GLIS1: variants seen among roughly 807,000 people sequenced by gnomAD.
The protein encoded by GLIS1 is GLIS family zinc finger 1.
A neutral mutation model predicts 63.8 loss-of-function variants in GLIS1; 24 were observed. The ratio of observed to expected loss-of-function variants is 0.38; its 90% confidence interval spans 0.27 to 0.53. The LOEUF is 0.53. GLIS1 is among the 20% of genes least tolerant of loss of function. GLIS1 has a pLI of 0.85. For synonymous variants in GLIS1, 450 were observed against 482.5 expected, an observed-to-expected ratio of 0.93 and a Z score of 0.88; for missense variants, 1,036 against 1,074.1, an observed-to-expected ratio of 0.96 and a Z score of 0.50.
chr1:53,507,035 G>C (rs1158389393), intron 10 of GLIS1, among the ~76,000 whole-genome samples: 1 of 152,166 alleles, frequency 6.6e-6, no homozygotes, highest in Non-Finnish European at 1.5e-5. Flanking sequence ...GGTTGACTCA[G>C]GGAGGTCCAT....
At chr1:53,631,414 G>C (rs1440297847) in intron 2 of GLIS1, among the ~76,000 whole-genome samples, 2 of 152,144 alleles carry the variant, frequency 1.3e-5, no homozygotes, top group Non-Finnish European at 2.9e-5. Flanking sequence ...CCATCTCTGA[G>C]CAACACCAGA....
At chr1:53,577,596 G>T (rs75305244) in intron 4 of GLIS1, among the ~76,000 whole-genome samples, 1 of 152,176 alleles carries the variant, frequency 6.6e-6, no homozygotes, top group African/African-American at 2.4e-5. Context: ...AGGGCAGCCA[G>T]GCCTGGCCAG....
intron 2 of GLIS1, among the ~76,000 whole-genome samples, chr1:53,605,341 G>A (rs997945739): frequency 5.1e-4 from 78 of 152,214 alleles, no homozygotes; most frequent in African/African-American, 1.8e-3. Context: ...CATCAGGGTG[G>A]CCTGACCCTT....
chr1:53,689,797 C>T (rs929232851), intron 2 of GLIS1, among the ~76,000 whole-genome samples: 2 of 152,176 alleles, frequency 1.3e-5, no homozygotes, highest in African/African-American at 4.8e-5. Context: ...GGCATCTCAG[C>T]GCCCATTACT....
intron 5 of GLIS1, among the ~76,000 whole-genome samples, chr1:53,527,657 C>T (rs531762549): frequency 6.6e-6 from 1 of 152,372 alleles, no homozygotes; most frequent in South Asian, 2.1e-4. Flanking sequence ...TGGCTGGTCC[C>T]CTCTGGAAAG....
chr1:53,542,925 A>G (rs968548672), intron 4 of GLIS1, among the ~76,000 whole-genome samples: 2 of 152,240 alleles, frequency 1.3e-5, no homozygotes, highest in Non-Finnish European at 2.9e-5. Context: ...TTAGATGGAC[A>G]GGGACAAGTA....
chr1:53,729,096 T>C (rs1322272703), intron 2 of GLIS1, among the ~76,000 whole-genome samples: 1 of 152,226 alleles, frequency 6.6e-6, no homozygotes, highest in Admixed American at 6.5e-5. Context: ...ACTAAAAGTA[T>C]AGATGCTGTC....
At chr1:53,531,204 A>C (rs1380718312) in intron 4 of GLIS1, among the ~76,000 whole-genome samples, 1 of 152,218 alleles carries the variant, frequency 6.6e-6, no homozygotes, top group Non-Finnish European at 1.5e-5. Flanking sequence ...CTCATGAGCC[A>C]TTGATTTCAT....
At chr1:53,552,840 GACTA>G (rs1453376089) in intron 4 of GLIS1, among the ~76,000 whole-genome samples, 1 of 152,242 alleles carries the variant, frequency 6.6e-6, no homozygotes, top group African/African-American at 2.4e-5. Context: ...GGCAGGCAGA[GACTA>G]ACTACCTCAG....
Position 53,598,534 on chromosome 1 carries a change from C to CA in GLIS1, c.437+1566dup, listed in dbSNP as rs1236459041. 0.015 allele frequency among the ~76,000 whole-genome samples: 2,033 copies of CA among 138,440 alleles called. 39 individuals are homozygous for CA. Among genetic ancestry groups the CA allele is most frequent in the African/African-American group, 0.049 (1,834 of 37,622 alleles). 90.8% of individuals were successfully genotyped at this position (138,440 alleles called of 152,430 possible). A position where few individuals can be genotyped will look rare whatever the true frequency, so the allele number is the denominator to read the frequency against. On this transcript the variant is annotated intron_variant, in intron 3 of 10. Transcript: ENST00000628545. The surrounding 1 kb of genome is among the most constrained non-coding windows in gnomAD (Gnocchi z 4.6). The stretch of plus-strand genomic sequence containing the variant: ...TGGGTGACAGAGTCAGACCCTGTCT[C>CA]AAAAAAAAAAAAGGAGGAATTAGGG...
At chr1:53,657,185 T>C (rs1164983592) in intron 2 of GLIS1, among the ~76,000 whole-genome samples, 3 of 152,152 alleles carry the variant, frequency 2.0e-5, no homozygotes, top group African/African-American at 7.2e-5. Flanking sequence ...CTTAATGAGC[T>C]CAACATATGC....
At chr1:53,709,349 CATATATAT>C (rs138836172) in intron 2 of GLIS1, among the ~76,000 whole-genome samples, 1 of 134,904 alleles carries the variant, frequency 7.4e-6, no homozygotes, top group African/African-American at 3.2e-5. Context: ...TACATATATA[CATATATAT>C]ACATATACAT....
intron 2 of GLIS1, among the ~76,000 whole-genome samples, chr1:53,645,798 G>A (rs568426252): frequency 7.9e-5 from 12 of 152,204 alleles, no homozygotes; most frequent in African/African-American, 2.9e-4. Flanking sequence ...AATTTAGGGG[G>A]CAGCAGAGCT....
At chr1:53,716,301 G>A (rs1646697922) in intron 2 of GLIS1, among the ~76,000 whole-genome samples, 2 of 152,312 alleles carry the variant, frequency 1.3e-5, no homozygotes, top group Non-Finnish European at 2.9e-5. Flanking sequence ...GGGAGGCAGA[G>A]GGTTGAAGGT....
intron 2 of GLIS1, among the ~76,000 whole-genome samples, chr1:53,618,037 G>A (rs1645500899): frequency 6.6e-6 from 1 of 152,266 alleles, no homozygotes; most frequent in African/African-American, 2.4e-5. Context: ...TGAGCAGGCA[G>A]TCCAGGCCCT....
rs548356290 is a variant in GLIS1 at position 53,528,727 on chromosome 1, G to A, written c.1482+1064C>T. On this transcript the variant is annotated intron_variant, in intron 5 of 10. Coordinates refer to ENST00000628545, the MANE Select transcript of GLIS1 (RefSeq NM_001367484.1). ...ATGGCCTCCAACTTACCCTGGAGGG[G>A]TCAGCTGCCCTCCTGGGCCCCTGTT... Among the ~76,000 whole-genome samples, 33 of 152,226 alleles carry A rather than the reference G, an allele frequency of 2.2e-4. No individual in the cohort carries two copies. In the South Asian group the frequency reaches 6.6e-3, roughly 31 times the overall value.
At chr1:53,566,640 G>A (rs1024855354) in intron 4 of GLIS1, among the ~76,000 whole-genome samples, 22 of 152,202 alleles carry the variant, frequency 1.4e-4, no homozygotes, top group Non-Finnish European at 4.4e-5. Flanking sequence ...GGTGGGAGGT[G>A]ACTGGATCAT....
At chr1:53,616,706 C>T (rs1342654242) in intron 2 of GLIS1, among the ~76,000 whole-genome samples, 5 of 152,148 alleles carry the variant, frequency 3.3e-5, no homozygotes, top group Non-Finnish European at 5.9e-5. Flanking sequence ...GATAATGTCA[C>T]TGTCCTGGGG....
rs543734510 is a variant in GLIS1 at position 53,667,518 on chromosome 1, C to T, written c.260-67240G>A. Among the ~76,000 whole-genome samples, 5 of 152,308 alleles carry T rather than the reference C, an allele frequency of 3.3e-5. No homozygotes were observed. In the East Asian group the frequency reaches 9.6e-4, roughly 29 times the overall value. Reference sequence around the variant, plus strand: ...CGGCCCTTCCTTGGTCCTGGTCTGGCCCCAAGGTCCATTCCCAACCTTGAC... The same window carrying T: ...CGGCCCTTCCTTGGTCCTGGTCTGGTCCCAAGGTCCATTCCCAACCTTGAC... On this transcript the variant is annotated intron_variant, in intron 2 of 10. Transcript: ENST00000628545.
Sources: gnomAD v4.1 joint callset for allele counts (sites outside exome capture counted in the v4.1 genomes callset) on GRCh38, gnomAD v4.1.1 for gene constraint, Gnocchi (gnomAD v3.1) non-coding constraint, MANE v1.5 for transcripts, NCBI Gene and HGNC (gene_info 2026-07-23, HGNC 2026-07-21) for gene names.